Variants in ADCY7 observed in about 807,000 individuals in gnomAD.
ADCY7 encodes the protein adenylate cyclase 7.
In ADCY7, 72 loss-of-function variants were observed where a neutral mutation model predicts 120.6. That is an observed-to-expected ratio of 0.60 (90% CI 0.49 to 0.73). The LOEUF (loss-of-function observed/expected upper bound fraction) is 0.73. Among genes scored for constraint, ADCY7 ranks in the 30% least tolerant of loss-of-function variants. ADCY7 has a pLI of 0.00. For synonymous variants in ADCY7, 661 were observed against 628.0 expected, an observed-to-expected ratio of 1.05 and a Z score of -0.78; for missense variants, 1,227 against 1,486.0, an observed-to-expected ratio of 0.83 and a Z score of 2.87.
intron 22 of ADCY7, chr16:50,313,623 A>G (rs1379456719): frequency 1.1e-5 from 3 of 279,132 alleles, no homozygotes; most frequent in Non-Finnish European, 1.3e-5. Context: ...CTATCAACCA[A>G]GCCAAACAGA....
chr16:50,301,094 C>T lies in ADCY7; in HGVS notation c.1248C>T (p.Ile416=). ...EAAGVPGRVH[I]TEATLKHLDK... ...GGGTCTCCCGTAGCCGGGTGCACAT[C>T]ACGGAGGCCACGCTAAAGCACCTGG... The change falls in exon 10 of 26, where the codon ATC becomes ATT. Residue 416 remains isoleucine (I), a synonymous_variant. Coordinates refer to ENST00000673801, the MANE Select transcript of ADCY7 (RefSeq NM_001114.5). The T allele has an allele frequency of 1.2e-6, 2 of 1,613,742 alleles. No individual in the cohort carries two copies. Among genetic ancestry groups the T allele is most frequent in the Non-Finnish European group, 1.7e-6 (2 of 1,179,864 alleles).
At position 50,315,468 on chromosome 16, in the gene ADCY7, C is replaced by T. The variant is rs373221075; in HGVS notation, c.3206C>T (p.Thr1069Met). The change falls in exon 26 of 26, where the codon ACG (threonine) becomes ATG (methionine). Residue 1069 changes from threonine (T) to methionine (M), a missense_variant. Physicochemically the swap from Thr to Met is moderately conservative, Grantham distance 81. This residue lies in a region of ADCY7 where 244 missense variants were observed against 332.8 expected (regional missense o/e 0.73). Coordinates refer to ENST00000673801, the MANE Select transcript of ADCY7 (RefSeq NM_001114.5). ...KGELRTYFVC[T>M]DTAKFQGLGL... is the part of the protein sequence containing the mutation. ...GAGCTGAGGACTTACTTTGTCTGTA[C>T]GGACACTGCCAAGTTTCAGGGGCTG... is the stretch of plus-strand genomic sequence containing the variant. The T allele has an allele frequency of 1.6e-5, 26 of 1,613,516 alleles. No individual in the cohort carries two copies. Among genetic ancestry groups the T allele is most frequent in the South Asian group, 4.4e-5 (4 of 91,082 alleles).
At chr16:50,300,958 G>C (rs1472634610) in intron 9 of ADCY7, 85 bp downstream of exon 9, 47 of 1,534,758 alleles carry the variant, frequency 3.1e-5, no homozygotes, top group Non-Finnish European at 4.0e-5. Context: ...TGGGGGTCAG[G>C]TGTGGAGGGA....
chr16:50,293,679 C>G (rs75867604), intron 6 of ADCY7, among the ~76,000 whole-genome samples, 177 bp downstream of exon 6: 2,003 of 152,262 alleles, frequency 0.013, 48 homozygotes, highest in African/African-American at 0.045. Flanking sequence ...AGAACCCCCA[C>G]TTGTGGGCAG....
chr16:50,308,016 A>AG (rs1567575551), intron 15 of ADCY7, among the ~76,000 whole-genome samples: 3 of 149,450 alleles, frequency 2.0e-5, no homozygotes, highest in African/African-American at 7.4e-5. Flanking sequence ...AAAAAAAAAA[A>AG]CGAAGAAAGA....
At chr16:50,246,438 G>C (rs1385085321) in intron 1 of ADCY7, among the ~76,000 whole-genome samples, 1 of 151,936 alleles carries the variant, frequency 6.6e-6, no homozygotes, top group East Asian at 1.9e-4. Flanking sequence ...CCTTAGGCAC[G>C]GCCAGGAGAC....
At chr16:50,304,282 G>C (rs2035917426) in intron 10 of ADCY7, 78 bp from the exon 11 acceptor site, 3 of 1,312,640 alleles carry the variant, frequency 2.3e-6, no homozygotes, top group Non-Finnish European at 3.0e-6. Context: ...TTCAGGGAGA[G>C]CTGGATGGGG....
intron 10 of ADCY7, among the ~76,000 whole-genome samples, 178 bp downstream of exon 10, chr16:50,301,392 C>T (rs2035713438): frequency 6.6e-6 from 1 of 152,184 alleles, no homozygotes; most frequent in African/African-American, 2.4e-5. Context: ...AGTAGCCACT[C>T]CCTGGGCCTC....
At chr16:50,302,704 T>C (rs1047300565) in intron 10 of ADCY7, among the ~76,000 whole-genome samples, 25 of 152,090 alleles carry the variant, frequency 1.6e-4, no homozygotes, top group African/African-American at 5.6e-4. Flanking sequence ...AGTGAGTTTC[T>C]TGTATTCCCT....
At chr16:50,277,806 G>C (rs970452657) in intron 1 of ADCY7, among the ~76,000 whole-genome samples, 3 of 151,800 alleles carry the variant, frequency 2.0e-5, no homozygotes, top group African/African-American at 7.3e-5. Context: ...GAGTAGCTGG[G>C]ACTACAGGCA....
rs151152748 is a variant in ADCY7 at position 50,296,445 on chromosome 16, C to T, written c.948+1694C>T. 2.7e-3 allele frequency among the ~76,000 whole-genome samples: 405 copies of T among 151,656 alleles called. 3 individuals are homozygous for T. Among genetic ancestry groups the T allele is most frequent in the African/African-American group, 9.1e-3 (377 of 41,290 alleles). The stretch of plus-strand genomic sequence containing the variant: ...TGTGATCTCTGCTCACTGCAAGCTC[C>T]GCCTCCCGGGTTCACACCATTCTGC... On this transcript the variant is annotated intron_variant, in intron 7 of 25. Transcript: ENST00000673801.
chr16:50,272,611 C>T (rs1176321126), intron 1 of ADCY7, among the ~76,000 whole-genome samples: 2 of 152,180 alleles, frequency 1.3e-5, no homozygotes, highest in African/African-American at 2.4e-5. Flanking sequence ...ACAAGCACAT[C>T]CCTTGGCCTC....
rs1177624366 is a variant in ADCY7 at position 50,308,737 on chromosome 16, T to C, written c.2006T>C (p.Leu669Pro). 1 of 1,613,556 alleles carries C rather than the reference T, an allele frequency of 6.2e-7. No homozygotes were observed. The highest frequency in any genetic ancestry group is 2.2e-5 in the East Asian group (1 of 44,882). Residue 669 changes from leucine (L) to proline (P), a missense_variant, in exon 17 of 26, where the codon CTG becomes CCG. Around this residue, in one of 5 missense-constraint regions of ADCY7, gnomAD observed 267 missense variants for 270.0 expected, o/e 0.99. Transcript: ENST00000673801. ...ERVETQPLLR[L>P]TLAVLTIGSL... ...GTGGAGACACAGCCCCTGCTGAGGC[T>C]GACCCTGGCCGTCCTGACCATCGGC...
chr16:50,290,879 T>G (rs2034909041), intron 3 of ADCY7, among the ~76,000 whole-genome samples: 1 of 151,956 alleles, frequency 6.6e-6, no homozygotes, highest in Admixed American at 6.6e-5. Flanking sequence ...GTGGCTCCAG[T>G]TTGGTTGGAG....
chr16:50,251,303 A>G (rs1030858721), intron 1 of ADCY7, among the ~76,000 whole-genome samples: 1 of 152,194 alleles, frequency 6.6e-6, no homozygotes, highest in East Asian at 1.9e-4. Context: ...TGATGAAATG[A>G]CATTACTTCC....
chr16:50,311,914 C>A, intron 20 of ADCY7, 122 bp from the exon 21 acceptor site: 1 of 1,487,612 alleles, frequency 6.7e-7, no homozygotes, highest in Non-Finnish European at 9.3e-7. Flanking sequence ...GCCAGGAAAG[C>A]ACTGGTCCCC....
rs1567585720 is a variant in ADCY7 at position 50,314,225 on chromosome 16, GCGCCAGGGC to G, written c.2857-65_2857-57del. 4.7e-6 allele frequency: 7 copies of G among 1,496,104 alleles called. No homozygotes were observed. In the Admixed American group the frequency reaches 8.6e-5, roughly 18 times the overall value. The allele number at this position is 1,496,104 out of a possible 1,614,324, so 92.7% of individuals were successfully genotyped here. On this transcript the variant is annotated intron_variant, in intron 23 of 25. Transcript: ENST00000673801. ...GGTGGGGATCCTCAACAAGAGTGGC[GCGCCAGGGC>G]CCACTAGGTCTGGGGGCTCTGGAGA...
Position 50,310,801 on chromosome 16 carries a change from T to G in ADCY7, c.2275T>G (p.Phe759Val), listed in dbSNP as rs1596987691. 1 of 1,614,130 alleles carries G rather than the reference T, an allele frequency of 6.2e-7. No individual in the cohort carries two copies. The highest frequency in any genetic ancestry group is 1.7e-5 in the Admixed American group (1 of 60,012). ...GGCCCTGGTGGCCTACCTGGTGCTC[T>G]TCAACCTCTCCCCATGCTGGCAGTG... ...TVALVAYLVL[F>V]NLSPCWQWDC... Residue 759 changes from phenylalanine to valine, a missense_variant, in exon 19 of 26, where the codon TTC (phenylalanine) becomes GTC (valine). This residue lies in a region of ADCY7 where 267 missense variants were observed against 270.0 expected (regional missense o/e 0.99). Transcript: ENST00000673801.
At chr16:50,279,762 G>A (rs555129032) in intron 1 of ADCY7, 1 of 152,380 alleles carries the variant, frequency 6.6e-6, no homozygotes, top group East Asian at 1.9e-4. Flanking sequence ...ATGGGCATGA[G>A]ACATAGTGGA....
Sources: allele counts gnomAD v4.1 joint callset (sites outside exome capture counted in the v4.1 genomes callset), GRCh38; gene constraint gnomAD v4.1.1; regional missense constraint gnomAD v4.1.1; transcripts MANE v1.5; gene names NCBI Gene and HGNC (gene_info 2026-07-23, HGNC 2026-07-21).